Variants in PTPRE observed in about 807,000 individuals in gnomAD.
PTPRE encodes the protein protein tyrosine phosphatase receptor type E.
In PTPRE, 51 loss-of-function variants were observed where a neutral mutation model predicts 102.0. The ratio of observed to expected loss-of-function variants is 0.50; its 90% CI spans 0.40 to 0.63. PTPRE has a LOEUF of 0.63. PTPRE is among the 30% of genes least tolerant of loss of function. The probability of loss-of-function intolerance (pLI) is 0.00; values close to 1 mark genes in which losing one functional copy is unlikely to be tolerated. For missense variants in PTPRE, 752 were observed against 915.1 expected, an observed-to-expected ratio of 0.82 and a Z score of 2.30; for synonymous variants, 345 against 348.2, an observed-to-expected ratio of 0.99 and a Z score of 0.10.
chr10:128,067,390 G>GCA (rs150997231), intron 11 of PTPRE, among the ~76,000 whole-genome samples: 4,349 of 64,910 alleles, frequency 0.067, 234 homozygotes, highest in African/African-American at 0.22. Context: ...TCACACATGT[G>GCA]CACACACACA....
At chr10:128,056,072 C>A in intron 6 of PTPRE, 51 bp from the exon 7 acceptor site, 1 of 1,394,444 alleles carries the variant, frequency 7.2e-7, no homozygotes, top group Non-Finnish European at 1.0e-6. Context: ...CTGACATGAG[C>A]ATGGTGCTTG....
chr10:128,063,564 A>C (rs1421825588), intron 10 of PTPRE, among the ~76,000 whole-genome samples: 1 of 152,324 alleles, frequency 6.6e-6, no homozygotes, highest in Non-Finnish European at 1.5e-5. Context: ...TATTATCCAG[A>C]CTAGAGAAAT....
intron 1 of PTPRE, among the ~76,000 whole-genome samples, chr10:127,971,958 C>A (rs1285547036): frequency 3.3e-5 from 5 of 152,176 alleles, no homozygotes; most frequent in Non-Finnish European, 7.3e-5. Context: ...TTTCAGAGAC[C>A]CAGCCTAGTT....
At chr10:128,065,378 G>A (rs886513251) in intron 10 of PTPRE, among the ~76,000 whole-genome samples, 14 of 152,258 alleles carry the variant, frequency 9.2e-5, no homozygotes, top group Middle Eastern at 3.4e-3. Context: ...ATTCACTCGC[G>A]AAGTGATGGA....
chr10:128,068,037 C>A lies in PTPRE; in HGVS notation c.844-86C>A, dbSNP rs985398396. On this transcript the variant is annotated intron_variant, in intron 11 of 20. Transcript: ENST00000254667. The stretch of plus-strand genomic sequence containing the variant: ...CCTACGCAGCCCCAGCACAGGGGAG[C>A]CCACGGCGGCGTCCTCAGAATGAGA... 15 of 1,466,828 alleles carry A rather than the reference C, an allele frequency of 1.0e-5. No homozygotes were observed. The African/African-American group carries it at 1.4e-4, about 14-fold the overall frequency. 90.9% of individuals were successfully genotyped at this position (1,466,828 alleles called of 1,614,324 possible).
At chr10:127,925,672 C>A (rs938738599) in intron 1 of PTPRE, among the ~76,000 whole-genome samples, 4 of 152,204 alleles carry the variant, frequency 2.6e-5, no homozygotes, top group Admixed American at 2.0e-4. Flanking sequence ...CAGCTGTGGC[C>A]TCTGCAACAG....
chr10:127,919,758 A>T (rs756990347), intron 1 of PTPRE, among the ~76,000 whole-genome samples: 6 of 152,152 alleles, frequency 3.9e-5, no homozygotes, highest in Non-Finnish European at 8.8e-5. Flanking sequence ...CTTCCAGGAG[A>T]TGCTTGAGAA....
At chr10:127,949,298 T>G (rs1848849382) in intron 1 of PTPRE, among the ~76,000 whole-genome samples, 1 of 152,168 alleles carries the variant, frequency 6.6e-6, no homozygotes, top group Non-Finnish European at 1.5e-5. Flanking sequence ...CTATGCATAT[T>G]CTATTAGTTC....
chr10:128,046,918 G>A (rs971256830), intron 3 of PTPRE, among the ~76,000 whole-genome samples: 10 of 152,320 alleles, frequency 6.6e-5, no homozygotes, highest in African/African-American at 2.2e-4. Context: ...GTCACAGTGC[G>A]CCAGGGCCAC....
At chr10:127,919,064 A>G (rs1414195521) in intron 1 of PTPRE, among the ~76,000 whole-genome samples, 2 of 152,200 alleles carry the variant, frequency 1.3e-5, no homozygotes, top group African/African-American at 4.8e-5. Flanking sequence ...TATTTTACAC[A>G]TCAGACCTTA....
At chr10:127,941,846 C>T (rs73376120) in intron 1 of PTPRE, among the ~76,000 whole-genome samples, 3,311 of 152,012 alleles carry the variant, frequency 0.022, 132 homozygotes, top group African/African-American at 0.076. Flanking sequence ...CCACAAACCC[C>T]GAATCCCTCA....
chr10:128,076,153 TCA>T (rs751009147), intron 17 of PTPRE, among the ~76,000 whole-genome samples: 18 of 152,214 alleles, frequency 1.2e-4, no homozygotes, highest in Non-Finnish European at 2.5e-4. Flanking sequence ...TCCAAGAGTT[TCA>T]CAGTTTTGTT....
intron 1 of PTPRE, among the ~76,000 whole-genome samples, chr10:127,953,117 C>T (rs1206946478): frequency 6.6e-6 from 1 of 152,242 alleles, no homozygotes; most frequent in Non-Finnish European, 1.5e-5. Context: ...TCCAGCCCAT[C>T]TACCAAGTGA....
intron 1 of PTPRE, among the ~76,000 whole-genome samples, chr10:127,913,627 C>T (rs2135140988): frequency 6.6e-6 from 1 of 152,318 alleles, no homozygotes; most frequent in East Asian, 1.9e-4. Flanking sequence ...TGTCCACAGG[C>T]TTGGCCCTGA....
chr10:128,052,307 T>C (rs1054561133), intron 6 of PTPRE, among the ~76,000 whole-genome samples: 1 of 152,198 alleles, frequency 6.6e-6, no homozygotes, highest in African/African-American at 2.4e-5. Context: ...CCGATCCAGT[T>C]GAGTTTTGAC....
rs1403578020 is a variant in PTPRE, at chr10:127,943,870, G to A, written c.-31+36561G>A. 2.6e-5 allele frequency among the ~76,000 whole-genome samples: 4 copies of A among 152,190 alleles called. No individual in the cohort carries two copies. In the East Asian group the frequency reaches 7.7e-4, roughly 29 times the overall value. ...GCAGACTGGAATGACCGTGCCCACT[G>A]CTGGGGTGGCAGTATTGGGCATGGT... On this transcript the variant is annotated intron_variant, in intron 1 of 20. Coordinates refer to ENST00000254667, the MANE Select transcript of PTPRE (RefSeq NM_006504.6).
chr10:128,061,364 A>G (rs1456188378), intron 8 of PTPRE, among the ~76,000 whole-genome samples: 1 of 152,278 alleles, frequency 6.6e-6, no homozygotes, highest in Non-Finnish European at 1.5e-5. Context: ...AATATCAATT[A>G]TAAAATTCCC....
At chr10:128,014,981 G>A (rs1415999881) in intron 2 of PTPRE, among the ~76,000 whole-genome samples, 4 of 152,058 alleles carry the variant, frequency 2.6e-5, no homozygotes, top group African/African-American at 7.2e-5. Flanking sequence ...TGCCACACCC[G>A]GTCTTCCCGA....
intron 2 of PTPRE, among the ~76,000 whole-genome samples, chr10:128,014,807 T>C (rs1333600804): frequency 6.6e-6 from 1 of 152,090 alleles, no homozygotes; most frequent in Non-Finnish European, 1.5e-5. Flanking sequence ...GACGAGCCAC[T>C]ATAAACCCAA....
Sources: allele counts gnomAD v4.1 joint callset (sites outside exome capture counted in the v4.1 genomes callset), GRCh38; gene constraint gnomAD v4.1.1; transcripts MANE v1.5; gene names NCBI Gene and HGNC (gene_info 2026-07-23, HGNC 2026-07-21).